BACH1: variants seen among roughly 807,000 people sequenced by gnomAD.
The protein encoded by BACH1 is BTB domain and CNC homolog 1.
Under a neutral mutation model 52.9 loss-of-function variants are expected in BACH1, and 35 were observed. That is an observed-to-expected ratio of 0.66 (90% CI 0.51 to 0.88). BACH1 has a LOEUF of 0.88. Ranked by LOEUF, BACH1 falls within the 40% of genes least tolerant of loss-of-function variation. BACH1 has a pLI of 0.00. For synonymous variants in BACH1, 321 were observed against 319.6 expected (o/e 1.00, Z -0.05); for missense variants, 808 against 872.6 (o/e 0.93, Z 0.93).
At chr21:29,302,042 C>G (rs1444414392) in intron 1 of BACH1, among the ~76,000 whole-genome samples, 1 of 152,178 alleles carries the variant, frequency 6.6e-6, no homozygotes, top group Non-Finnish European at 1.5e-5. Context: ...GTCAGATTTT[C>G]TCTTCATAGT....
chr21:29,358,770 A>AAAAGAAAAGAAAGAAAGAAAGAAAG (rs1409780180), intron 2 of BACH1, among the ~76,000 whole-genome samples: 29 of 108,964 alleles, frequency 2.7e-4, no homozygotes, highest in South Asian at 9.4e-4. Flanking sequence ...AAAAGAAAAG[A>AAAAGAAAAGAAAGAAAGAAAGAAAG]AAAGAAAGAA....
In BACH1 at chr21:29,345,098, A is replaced by C. The variant is rs538569677; in HGVS notation, c.*2265A>C. The C allele has an allele frequency of 3.5e-4, 53 of 152,754 alleles. No individual in the cohort carries two copies. Among genetic ancestry groups the C allele is most frequent in the African/African-American group, 1.1e-3 (47 of 41,578 alleles). The allele number at this position is 152,754 out of a possible 1,614,324, so 9.5% of individuals were successfully genotyped here. A position where few individuals can be genotyped will look rare whatever the true frequency, so the allele number is the denominator to read the frequency against. ...GCATTACTTTAAATAGCCAGCATGT[A>C]ATACAAGTAACTACACTACCTCATA... On this transcript the variant is annotated 3_prime_UTR_variant, in exon 5 of 5. Coordinates refer to ENST00000286800, the MANE Select transcript of BACH1 (RefSeq NM_001186.4).
At chr21:29,341,295 T>C (rs557182678) in intron 4 of BACH1, among the ~76,000 whole-genome samples, 34 of 152,276 alleles carry the variant, frequency 2.2e-4, no homozygotes, top group African/African-American at 7.7e-4. Flanking sequence ...GCCTCAACTC[T>C]CCAGAACCTG....
chr21:29,356,551 C>T (rs760616542), intron 2 of BACH1, among the ~76,000 whole-genome samples: 6 of 152,194 alleles, frequency 3.9e-5, no homozygotes, highest in African/African-American at 1.2e-4. Flanking sequence ...GAGGAGGAAC[C>T]GTATATTATC....
At chr21:29,306,185 TG>T (rs1435688248) in intron 1 of BACH1, among the ~76,000 whole-genome samples, 1 of 150,508 alleles carries the variant, frequency 6.6e-6, no homozygotes, top group Non-Finnish European at 1.5e-5. Context: ...TGTGTGTGTG[TG>T]TGTGTGTGTG....
chr21:29,346,846 A>G (rs571992532), downstream of BACH1, among the ~76,000 whole-genome samples: 10 of 101,368 alleles, frequency 9.9e-5, no homozygotes, highest in African/African-American at 5.5e-4. Context: ...GAAAGATTGT[A>G]GTCTGAATCG....
In BACH1 at chr21:29,332,003, C is replaced by T. The variant is rs145971179; in HGVS notation, c.1776+2310C>T. Among the ~76,000 whole-genome samples the T allele has an allele frequency of 1.6e-4, 25 of 152,198 alleles. No individual in the cohort carries two copies. In the East Asian group the frequency reaches 3.7e-3, roughly 22 times the overall value. On this transcript the variant is annotated intron_variant, in intron 4 of 4. Coordinates refer to ENST00000286800, the MANE Select transcript of BACH1 (RefSeq NM_001186.4). ...GCAACTTCCGCTTCCCGGGTTCAAG[C>T]GATTCTCCTGTCTCTGTCTCCCGGG...
chr21:29,327,646 A>G (rs2123449983), intron 3 of BACH1, among the ~76,000 whole-genome samples: 1 of 152,254 alleles, frequency 6.6e-6, no homozygotes, highest in Non-Finnish European at 1.5e-5. Context: ...CCTGGCCAAC[A>G]TGGCGAATCT....
intron 1 of BACH1, among the ~76,000 whole-genome samples, chr21:29,319,611 C>A: frequency 6.6e-6 from 1 of 150,760 alleles, no homozygotes; most frequent in East Asian, 1.9e-4. Flanking sequence ...TGTATTTCTA[C>A]AGTGTTTTCT....
At chr21:29,348,820 C>T (rs1317269618), downstream of BACH1, among the ~76,000 whole-genome samples, 5 of 152,200 alleles carry the variant, frequency 3.3e-5, no homozygotes, top group Non-Finnish European at 5.9e-5. Flanking sequence ...TACGGCCCGG[C>T]AGGGTGGCTC....
chr21:29,321,568 TG>T, intron 2 of BACH1, 54 bp downstream of exon 2: 1 of 1,490,070 alleles, frequency 6.7e-7, no homozygotes, highest in South Asian at 1.2e-5. Flanking sequence ...AAGTTTTTTA[TG>T]GTTCATAATG....
intron 4 of BACH1, among the ~76,000 whole-genome samples, chr21:29,330,327 G>A (rs1193790377): frequency 6.6e-6 from 1 of 151,684 alleles, no homozygotes; most frequent in Non-Finnish European, 1.5e-5. Flanking sequence ...ACTGCGCCTG[G>A]CTAATTTTTT....
Position 29,342,453 on chromosome 21 carries a change from G to A in BACH1, c.1831G>A (p.Gly611Ser), listed in dbSNP as rs753205156. ...AAGAGATCACATTTTGTCAACTCTG[G>A]GTGAGACAAAGCAGAACCTAACTGG... The part of the protein sequence containing the change: ...KERDHILSTL[G>S]ETKQNLTGLC... Residue 611 changes from glycine to serine, a missense_variant, in exon 5 of 5, where the codon GGT becomes AGT. Gly to Ser is a moderately conservative substitution (Grantham distance 56). Transcript: ENST00000286800. 1 of 1,614,130 alleles carries A rather than the reference G, an allele frequency of 6.2e-7. No homozygotes were observed. The highest frequency in any genetic ancestry group is 1.1e-5 in the South Asian group (1 of 91,078).
At chr21:29,320,561 GT>G (rs1177201206) in intron 1 of BACH1, among the ~76,000 whole-genome samples, 3 of 152,198 alleles carry the variant, frequency 2.0e-5, no homozygotes, top group African/African-American at 7.2e-5. Context: ...TAATGAGGTA[GT>G]TTTACTTGCC....
chr21:29,302,130 G>A lies in BACH1; in HGVS notation c.-61+3177G>A, dbSNP rs138384609. Among the ~76,000 whole-genome samples, 542 of 152,328 alleles carry A rather than the reference G, an allele frequency of 3.6e-3. 3 individuals are homozygous for A. Among genetic ancestry groups the A allele is most frequent in the African/African-American group, 0.012 (516 of 41,564 alleles). ...TCTGACTAATGTTCTGTTAATGAGA[G>A]AATTGTCTTAACCCTAAAACCTGCA... On this transcript the variant is annotated intron_variant, in intron 1 of 4. Coordinates refer to ENST00000286800, the MANE Select transcript of BACH1 (RefSeq NM_001186.4).
intron 2 of BACH1, among the ~76,000 whole-genome samples, chr21:29,360,175 C>G (rs2089262773): frequency 6.6e-6 from 1 of 152,116 alleles, no homozygotes; most frequent in African/African-American, 2.4e-5. Context: ...TAAAATCAAG[C>G]TAAAATGTAT....
intron 2 of BACH1, among the ~76,000 whole-genome samples, chr21:29,325,119 G>C (rs1037588193): frequency 6.6e-6 from 1 of 152,004 alleles, no homozygotes; most frequent in Non-Finnish European, 1.5e-5. Flanking sequence ...AGTCCCAGCT[G>C]CTCGGGAGGC....
chr21:29,302,033 T>A (rs1399285368), intron 1 of BACH1, among the ~76,000 whole-genome samples: 6 of 152,184 alleles, frequency 3.9e-5, no homozygotes, highest in Non-Finnish European at 8.8e-5. Flanking sequence ...TTACCACTTG[T>A]CAGATTTTCT....
chr21:29,359,486 T>G (rs1459631707), intron 2 of BACH1: 2 of 151,256 alleles, frequency 1.3e-5, no homozygotes, highest in Non-Finnish European at 1.5e-5. Context: ...TATTAAAATT[T>G]GCTTTTGCGA....
Sources: allele counts gnomAD v4.1 joint callset (sites outside exome capture counted in the v4.1 genomes callset), GRCh38; gene constraint gnomAD v4.1.1; transcripts MANE v1.5; gene names NCBI Gene and HGNC (gene_info 2026-07-23, HGNC 2026-07-21).